IQCM: variants seen among roughly 807,000 people sequenced by gnomAD.
IQCM encodes IQ domain-containing protein M.
IQCM carries 45 observed loss-of-function variants against 57.6 expected under a neutral mutation model. The observed-to-expected ratio is 0.78, with a 90% CI of 0.62 to 1.00. The LOEUF (loss-of-function observed/expected upper bound fraction) is 1.00. IQCM is among the 50% of genes least tolerant of loss of function. IQCM has a pLI of 0.00. For missense variants in IQCM, 468 were observed against 511.6 expected (o/e 0.91, Z 0.82); for synonymous variants, 148 against 158.9 (o/e 0.93, Z 0.51).
chr4:149,523,895 C>T (rs537568216), intron 12 of IQCM, among the ~76,000 whole-genome samples: 19 of 152,158 alleles, frequency 1.2e-4, no homozygotes, highest in African/African-American at 2.6e-4. Context: ...GCAGAGTAAA[C>T]GCATTCTAGA....
chr4:149,480,024 T>C (rs1740609109), intron 12 of IQCM, among the ~76,000 whole-genome samples: 1 of 152,212 alleles, frequency 6.6e-6, no homozygotes, highest in South Asian at 2.1e-4. Context: ...TGAAAAGCCA[T>C]TGTCCAATAT....
chr4:149,690,228 G>T (rs941273095), intron 5 of IQCM, among the ~76,000 whole-genome samples: 1 of 152,012 alleles, frequency 6.6e-6, no homozygotes, highest in Non-Finnish European at 1.5e-5. Context: ...ACACACAATG[G>T]AATATTACTC....
chr4:149,591,701 T>C (rs1329985282), intron 8 of IQCM, among the ~76,000 whole-genome samples: 1 of 151,920 alleles, frequency 6.6e-6, no homozygotes, highest in African/African-American at 2.4e-5. Context: ...AAACATGCGG[T>C]GTTTGGTTTT....
chr4:149,464,480 G>A (rs539950070), intron 12 of IQCM, among the ~76,000 whole-genome samples: 8 of 152,194 alleles, frequency 5.3e-5, no homozygotes, highest in African/African-American at 1.4e-4. Context: ...GGCCCCTAAG[G>A]TTTCTTTCTT....
At chr4:149,417,231 A>G (rs1349837975) in intron 13 of IQCM, among the ~76,000 whole-genome samples, 1 of 152,174 alleles carries the variant, frequency 6.6e-6, no homozygotes, top group Non-Finnish European at 1.5e-5. Flanking sequence ...CAAGGACCCC[A>G]GTAGATCACA....
chr4:149,509,519 G>T (rs1016842250), intron 12 of IQCM, among the ~76,000 whole-genome samples: 7 of 151,752 alleles, frequency 4.6e-5, no homozygotes, highest in Non-Finnish European at 2.9e-5. Flanking sequence ...AAAGTGCTAG[G>T]ATTACAGCAT....
At chr4:149,551,112 C>T (rs1748985579) in intron 11 of IQCM, among the ~76,000 whole-genome samples, 1 of 152,142 alleles carries the variant, frequency 6.6e-6, no homozygotes, top group Non-Finnish European at 1.5e-5. Flanking sequence ...ACCTGTGCTC[C>T]CCACTACCTT....
chr4:149,787,940 A>T (rs1772219945), intron 2 of IQCM, among the ~76,000 whole-genome samples: 1 of 152,220 alleles, frequency 6.6e-6, no homozygotes, highest in Non-Finnish European at 1.5e-5. Context: ...CTGACAAAAT[A>T]ATATTCAGAA....
chr4:149,588,281 A>G (rs1369887090), intron 8 of IQCM, among the ~76,000 whole-genome samples: 1 of 151,794 alleles, frequency 6.6e-6, no homozygotes, highest in Non-Finnish European at 1.5e-5. Flanking sequence ...TTATTTATTT[A>G]TTTATTTGTC....
intron 2 of IQCM, among the ~76,000 whole-genome samples, chr4:149,793,879 G>A (rs1368210014): frequency 3.3e-5 from 5 of 152,212 alleles, no homozygotes; most frequent in Non-Finnish European, 5.9e-5. Context: ...AGGGCAGACT[G>A]AGCATGAATA....
intron 13 of IQCM, among the ~76,000 whole-genome samples, chr4:149,414,495 C>A (rs965158402): frequency 1.3e-5 from 2 of 152,048 alleles, no homozygotes; most frequent in African/African-American, 4.8e-5. Context: ...GAGATGTGAA[C>A]CTGAGAGAGT....
chr4:149,738,598 C>G (rs1220587892), intron 3 of IQCM, among the ~76,000 whole-genome samples: 5 of 152,094 alleles, frequency 3.3e-5, no homozygotes, highest in Non-Finnish European at 5.9e-5. Context: ...TCACAGCATA[C>G]CCTTACAGTC....
chr4:149,583,990 A>C (rs1238732590), intron 9 of IQCM, among the ~76,000 whole-genome samples: 1 of 151,578 alleles, frequency 6.6e-6, no homozygotes, highest in East Asian at 1.9e-4. Context: ...CCTTTATAAA[A>C]ATAAAAAATA....
chr4:149,536,367 GAC>G (rs1747296673), intron 12 of IQCM, among the ~76,000 whole-genome samples: 1 of 151,898 alleles, frequency 6.6e-6, no homozygotes, highest in African/African-American at 2.4e-5. Flanking sequence ...CCACCCCACA[GAC>G]ACAGACTTTC....
At chr4:149,422,531 C>T (rs1235842992) in intron 13 of IQCM, among the ~76,000 whole-genome samples, 1 of 151,942 alleles carries the variant, frequency 6.6e-6, no homozygotes, top group Non-Finnish European at 1.5e-5. Context: ...AATAAATAGA[C>T]AAATGTTATG....
intron 2 of IQCM, among the ~76,000 whole-genome samples, chr4:149,750,072 C>T (rs1768287140): frequency 6.6e-6 from 1 of 152,190 alleles, no homozygotes; most frequent in Non-Finnish European, 1.5e-5. Flanking sequence ...CCCGCTACTA[C>T]TGAAATGTAT....
chr4:149,686,526 T>C lies in IQCM; in HGVS notation c.386-58A>G, dbSNP rs1762556728. The C allele has an allele frequency of 8.8e-6, 6 of 681,172 alleles. No individual in the cohort carries two copies. In the East Asian group the frequency reaches 2.1e-4, roughly 23 times the overall value. 42.2% of individuals were successfully genotyped at this position (681,172 alleles called of 1,614,324 possible). A position where few individuals can be genotyped will look rare whatever the true frequency, so the allele number is the denominator to read the frequency against. ...ATTAGTTTTCAAGTTGTAAGTGCAT[T>C]TTTCAAATTCAATTGCAAATCACAG... is the stretch of plus-strand genomic sequence containing the variant. On this transcript the variant is annotated intron_variant, in intron 5 of 13. Transcript: ENST00000636793.
At chr4:149,715,416 G>T (rs965954199) in intron 5 of IQCM, among the ~76,000 whole-genome samples, 1 of 152,174 alleles carries the variant, frequency 6.6e-6, no homozygotes, top group African/African-American at 2.4e-5. Context: ...CTTCCACCAG[G>T]GAACATAGTA....
chr4:149,399,038 T>C (rs572277932), intron 13 of IQCM, among the ~76,000 whole-genome samples: 1 of 152,212 alleles, frequency 6.6e-6, no homozygotes, highest in South Asian at 2.1e-4. Flanking sequence ...CCTGGTCCCA[T>C]ATTTTATTCT....
Sources: allele counts gnomAD v4.1 joint callset (sites outside exome capture counted in the v4.1 genomes callset), GRCh38; gene constraint gnomAD v4.1.1; transcripts MANE v1.5; gene names NCBI Gene and HGNC (gene_info 2026-07-23, HGNC 2026-07-21).